The following NUP98 variants were observed in gnomAD, a reference collection of about 807,000 sequenced individuals.
NUP98 encodes the protein nucleoporin 98 and 96 precursor.
Under a neutral mutation model 191.9 loss-of-function variants are expected in NUP98, and 26 were observed. That is an observed-to-expected ratio of 0.14 (90% confidence interval 0.10 to 0.19). The LOEUF is 0.19. Ranked by LOEUF, NUP98 falls within the 10% of genes least tolerant of loss-of-function variation. NUP98 has a pLI of 1.00. For missense variants in NUP98, 1,941 were observed against 2,178.8 expected, an observed-to-expected ratio of 0.89 and a Z score of 2.17; for synonymous variants, 808 against 778.4, an observed-to-expected ratio of 1.04 and a Z score of -0.63.
chr11:3,755,949 A>G (rs1442101942), intron 10 of NUP98, among the ~76,000 whole-genome samples: 2 of 152,166 alleles, frequency 1.3e-5, no homozygotes, highest in Admixed American at 1.3e-4. Flanking sequence ...GGTGACAGAG[A>G]AAGACTCCAT....
At chr11:3,730,251 T>A (rs2134274799) in intron 14 of NUP98, among the ~76,000 whole-genome samples, 1 of 151,970 alleles carries the variant, frequency 6.6e-6, no homozygotes, top group African/African-American at 2.4e-5. Context: ...ATAAATAAAA[T>A]GCTAGGACAG....
chr11:3,761,306 G>A (rs143106304), intron 9 of NUP98, among the ~76,000 whole-genome samples: 57 of 152,262 alleles, frequency 3.7e-4, no homozygotes, highest in Admixed American at 9.8e-4. Context: ...ATGGCATGTG[G>A]ACTATACATC....
chr11:3,692,322 GA>G (rs59732118), intron 27 of NUP98, among the ~76,000 whole-genome samples: 54 of 126,940 alleles, frequency 4.3e-4, no homozygotes, highest in Middle Eastern at 7.8e-3. Flanking sequence ...GATCTCGATT[GA>G]AAAAAAAAAA....
At chr11:3,678,214 G>T (rs1245506341) in intron 31 of NUP98, among the ~76,000 whole-genome samples, 1 of 151,054 alleles carries the variant, frequency 6.6e-6, no homozygotes, top group Non-Finnish European at 1.5e-5. Flanking sequence ...TTTAATCTTT[G>T]TGAAAATCTG....
chr11:3,693,838 CT>C (rs2078402730), intron 26 of NUP98, among the ~76,000 whole-genome samples: 1 of 152,122 alleles, frequency 6.6e-6, no homozygotes, highest in Non-Finnish European at 1.5e-5. Context: ...TCTGAAAATA[CT>C]TTAAGATAAT....
At position 3,723,536 on chromosome 11, in the gene NUP98, C is replaced by T. The variant is rs935092053; in HGVS notation, c.1848-81G>A. On this transcript the variant is annotated intron_variant, in intron 15 of 32. Coordinates refer to ENST00000324932, the MANE Select transcript of NUP98 (RefSeq NM_016320.5). ...ATAGCTAACTAATACCGAGCCTTTA[C>T]TAAGTGCCTGGCACTGTTCTGGATA... is the stretch of plus-strand genomic sequence containing the variant. 1.8e-5 allele frequency: 21 copies of T among 1,184,024 alleles called. No individual in the cohort carries two copies. In the East Asian group the frequency reaches 5.0e-4, roughly 28 times the overall value. 73.3% of individuals were successfully genotyped at this position (1,184,024 alleles called of 1,614,324 possible).
intron 1 of NUP98, among the ~76,000 whole-genome samples, chr11:3,789,457 C>G (rs1392296963): frequency 6.6e-6 from 1 of 151,820 alleles, no homozygotes; most frequent in African/African-American, 2.4e-5. Flanking sequence ...TGTCTTTATT[C>G]CCAACTATCC....
chr11:3,706,346 C>CA, intron 21 of NUP98, 99 bp downstream of exon 21: 1 of 1,119,952 alleles, frequency 8.9e-7, no homozygotes, highest in Non-Finnish European at 1.3e-6. Flanking sequence ...AGTGAGCACT[C>CA]AATGATCTTA....
At chr11:3,763,961 G>C (rs917981021) in intron 8 of NUP98, among the ~76,000 whole-genome samples, 1 of 152,198 alleles carries the variant, frequency 6.6e-6, no homozygotes, top group African/African-American at 2.4e-5. Context: ...TAATAGACTT[G>C]CTGAATAGGG....
intron 14 of NUP98, among the ~76,000 whole-genome samples, chr11:3,731,136 C>T (rs946560143): frequency 6.6e-6 from 1 of 152,104 alleles, no homozygotes; most frequent in South Asian, 2.1e-4. Context: ...TGATGGCACA[C>T]GCCTGTAATC....
At chr11:3,698,481 A>C (rs2134092440) in intron 25 of NUP98, among the ~76,000 whole-genome samples, 1 of 152,098 alleles carries the variant, frequency 6.6e-6, no homozygotes, top group South Asian at 2.1e-4. Context: ...TAATTCCAGC[A>C]CTTTGGGAGG....
intron 30 of NUP98, among the ~76,000 whole-genome samples, chr11:3,682,075 T>G (rs765243566): frequency 1.3e-5 from 2 of 152,244 alleles, no homozygotes; most frequent in Admixed American, 6.5e-5. Flanking sequence ...TTAAACTTCA[T>G]GAAGCAACTT....
At chr11:3,786,124 A>G (rs2082132377) in intron 1 of NUP98, among the ~76,000 whole-genome samples, 1 of 152,222 alleles carries the variant, frequency 6.6e-6, no homozygotes, top group Non-Finnish European at 1.5e-5. Context: ...ACAAGAATCT[A>G]TTTGCCCAAG....
At chr11:3,686,884 G>C (rs546050140) in intron 28 of NUP98, among the ~76,000 whole-genome samples, 1 of 152,142 alleles carries the variant, frequency 6.6e-6, no homozygotes, top group African/African-American at 2.4e-5. Context: ...CTACTCAGGA[G>C]GCTGTGGCAC....
intron 13 of NUP98, among the ~76,000 whole-genome samples, chr11:3,734,306 T>G (rs1479419293): frequency 6.6e-6 from 1 of 152,166 alleles, no homozygotes; most frequent in African/African-American, 2.4e-5. Flanking sequence ...GTGCTAGGAT[T>G]ACAGGCCTGA....
At chr11:3,677,220 A>T (rs1217399182) in intron 31 of NUP98, among the ~76,000 whole-genome samples, 1 of 152,194 alleles carries the variant, frequency 6.6e-6, no homozygotes, top group African/African-American at 2.4e-5. Context: ...GAGGACCAAG[A>T]GAGGCTTCTT....
chr11:3,769,437 C>G lies in NUP98; in HGVS notation c.785-693G>C, dbSNP rs577822018. ...CTAGACAGTGTCCTCCAACCCCCAC[C>G]AAAAAAACAGAAAAAATTATGAAAC... On this transcript the variant is annotated intron_variant, in intron 7 of 32. Coordinates refer to ENST00000324932, the MANE Select transcript of NUP98 (RefSeq NM_016320.5). Among the ~76,000 whole-genome samples the G allele has an allele frequency of 4.0e-5, 6 of 150,918 alleles. No individual in the cohort carries two copies. In the South Asian group the frequency reaches 1.1e-3, roughly 26 times the overall value.
At chr11:3,741,045 C>T (rs1011002621) in intron 12 of NUP98, among the ~76,000 whole-genome samples, 2 of 151,512 alleles carry the variant, frequency 1.3e-5, no homozygotes, top group South Asian at 2.1e-4. Context: ...TGGTCTCGAA[C>T]GCTTGACCTC....
At chr11:3,793,719 C>T (rs897895914) in intron 1 of NUP98, among the ~76,000 whole-genome samples, 5 of 151,924 alleles carry the variant, frequency 3.3e-5, no homozygotes, top group African/African-American at 1.2e-4. Context: ...GCCTGTAATC[C>T]CAGCACTTTG....
Sources: allele counts gnomAD v4.1 joint callset (sites outside exome capture counted in the v4.1 genomes callset), GRCh38; gene constraint gnomAD v4.1.1; transcripts MANE v1.5; gene names NCBI Gene and HGNC (gene_info 2026-07-23, HGNC 2026-07-21).